The following BBX variants were observed in gnomAD, a reference collection of about 807,000 sequenced individuals.
BBX encodes BBX high mobility group box domain containing.
In BBX, 30 loss-of-function variants were observed where a neutral mutation model predicts 100.2. The ratio of observed to expected loss-of-function variants is 0.30; its 90% CI spans 0.22 to 0.41. The LOEUF (loss-of-function observed/expected upper bound fraction) is 0.41. Ranked by LOEUF, BBX falls within the 10% of genes least tolerant of loss-of-function variation. The pLI, the probability that BBX is intolerant of heterozygous loss-of-function variation, is 1.00. For synonymous variants in BBX, 376 were observed against 388.1 expected (o/e 0.97, Z 0.37); for missense variants, 1,023 against 1,129.8 (o/e 0.91, Z 1.35).
chr3:107,747,926 A>C (rs751167952), intron 8 of BBX, 39 bp from the exon 9 acceptor site: 2 of 1,534,422 alleles, frequency 1.3e-6, no homozygotes, highest in Non-Finnish European at 1.8e-6. Context: ...GATGTGGAAA[A>C]ATGTCATTGT....
At chr3:107,752,514 T>C (rs760706555) in intron 9 of BBX, among the ~76,000 whole-genome samples, 19 of 152,212 alleles carry the variant, frequency 1.2e-4, no homozygotes, top group Admixed American at 2.6e-4. Flanking sequence ...CCGTCATAAT[T>C]GCAAGACTTC....
chr3:107,569,398 A>AT (rs1021991968), intron 2 of BBX, among the ~76,000 whole-genome samples: 178 of 150,160 alleles, frequency 1.2e-3, no homozygotes, highest in African/African-American at 3.6e-3. Context: ...TATTTTTTTA[A>AT]TTTTTTTTTA....
intron 5 of BBX, among the ~76,000 whole-genome samples, chr3:107,727,093 C>A (rs1238190052): frequency 7.4e-6 from 1 of 135,668 alleles, no homozygotes; most frequent in African/African-American, 2.5e-5. Flanking sequence ...TTTTAAACTA[C>A]CCCCCCCAAA....
In BBX at chr3:107,604,375, T is replaced by C. The variant is rs559190212; in HGVS notation, c.-83-41461T>C. 2.0e-5 allele frequency among the ~76,000 whole-genome samples: 3 copies of C among 152,326 alleles called. No homozygotes were observed. The South Asian group carries it at 6.2e-4, about 32-fold the overall frequency. On this transcript the variant is annotated intron_variant, in intron 2 of 17. Coordinates refer to ENST00000325805, the MANE Select transcript of BBX (RefSeq NM_001142568.3). ...CAAGACTTAGCTTTTCCAGCCTAAA[T>C]AGTCCTAGTTCCTGCAGTCTTCAGG... is the stretch of plus-strand genomic sequence containing the variant.
chr3:107,709,811 C>A (rs955223806), intron 3 of BBX, among the ~76,000 whole-genome samples: 1 of 152,294 alleles, frequency 6.6e-6, no homozygotes, highest in East Asian at 1.9e-4. Context: ...AAAAGTAATT[C>A]AGAATTTTAG....
intron 14 of BBX, among the ~76,000 whole-genome samples, chr3:107,790,588 C>G (rs2068910805): frequency 6.6e-6 from 1 of 152,180 alleles, no homozygotes; most frequent in Non-Finnish European, 1.5e-5. Flanking sequence ...TCTTATTTCA[C>G]ATAAAAGATA....
intron 3 of BBX, among the ~76,000 whole-genome samples, chr3:107,675,460 G>A (rs1003119510): frequency 1.4e-4 from 22 of 152,122 alleles, no homozygotes; most frequent in Admixed American, 1.3e-3. Flanking sequence ...TGATGAGTCT[G>A]TTCTGTTGTC....
chr3:107,601,659 G>T (rs998963496), intron 2 of BBX, among the ~76,000 whole-genome samples: 1 of 152,200 alleles, frequency 6.6e-6, no homozygotes, highest in Non-Finnish European at 1.5e-5. Context: ...AGCTAACAGA[G>T]GTTGGTTCAT....
chr3:107,782,806 C>T (rs1442869258), intron 13 of BBX, among the ~76,000 whole-genome samples: 2 of 152,008 alleles, frequency 1.3e-5, no homozygotes, highest in African/African-American at 4.8e-5. Context: ...AGACCTAAGC[C>T]AGTTTGCATA....
intron 3 of BBX, among the ~76,000 whole-genome samples, chr3:107,664,701 G>T (rs1186195594): frequency 6.6e-6 from 1 of 152,110 alleles, no homozygotes. Context: ...ATGTTCTCTT[G>T]CAATAAATGA....
At chr3:107,543,643 C>T (rs1281113195) in intron 2 of BBX, among the ~76,000 whole-genome samples, 1 of 152,172 alleles carries the variant, frequency 6.6e-6, no homozygotes, top group Non-Finnish European at 1.5e-5. Flanking sequence ...AAAACAATAA[C>T]ACATTGTTAA....
chr3:107,735,822 G>A (rs1012521883), intron 7 of BBX, among the ~76,000 whole-genome samples: 1 of 151,678 alleles, frequency 6.6e-6, no homozygotes, highest in Non-Finnish European at 1.5e-5. Context: ...TCTGTCTTCT[G>A]ATCAATTCTT....
intron 12 of BBX, among the ~76,000 whole-genome samples, chr3:107,777,617 G>A (rs1015580092): frequency 6.6e-6 from 1 of 152,140 alleles, no homozygotes; most frequent in African/African-American, 2.4e-5. Context: ...TGCCATTGCT[G>A]TGGGACCCTA....
chr3:107,605,126 T>C (rs962501864), intron 2 of BBX, among the ~76,000 whole-genome samples: 1 of 152,194 alleles, frequency 6.6e-6, no homozygotes, highest in Non-Finnish European at 1.5e-5. Flanking sequence ...ACACCTTTAT[T>C]TTAAAAGGAA....
intron 13 of BBX, among the ~76,000 whole-genome samples, chr3:107,783,344 T>C (rs893617087): frequency 6.6e-6 from 1 of 152,132 alleles, no homozygotes; most frequent in African/African-American, 2.4e-5. Flanking sequence ...TAAGTTTATA[T>C]AAGCTCTTCT....
intron 2 of BBX, among the ~76,000 whole-genome samples, chr3:107,562,061 T>G (rs1474617785): frequency 2.6e-5 from 4 of 152,248 alleles, no homozygotes; most frequent in Admixed American, 2.6e-4. Context: ...AGAAAGTAAT[T>G]GTGCTCTATG....
chr3:107,663,406 A>G (rs1021272503), intron 3 of BBX, among the ~76,000 whole-genome samples: 3 of 152,172 alleles, frequency 2.0e-5, no homozygotes, highest in African/African-American at 7.2e-5. Context: ...ATTAACACGA[A>G]TAACTGAGAA....
intron 2 of BBX, among the ~76,000 whole-genome samples, chr3:107,644,810 G>C (rs994671231): frequency 6.6e-6 from 1 of 152,018 alleles, no homozygotes. Flanking sequence ...TCCAGCTTTT[G>C]TTTTTGTTAA....
intron 1 of BBX, chr3:107,525,308 G>A (rs1461134486): frequency 6.6e-6 from 1 of 151,984 alleles, no homozygotes; most frequent in East Asian, 2.0e-4. Context: ...ATCTTCGCCG[G>A]GGCCCGCGGG....
Sources: gnomAD v4.1 joint callset for allele counts (sites outside exome capture counted in the v4.1 genomes callset) on GRCh38, gnomAD v4.1.1 for gene constraint, MANE v1.5 for transcripts, NCBI Gene and HGNC (gene_info 2026-07-23, HGNC 2026-07-21) for gene names.